C10orf105: variants seen among roughly 807,000 people sequenced by gnomAD.
C10orf105 encodes the protein uncharacterized protein C10orf105.
C10orf105 carries 2 observed loss-of-function variants against 0.6 expected under a neutral mutation model. The observed-to-expected ratio is 3.18, with a 90% confidence interval of 1.30 to 10.01. C10orf105 has a LOEUF of 10.01. Ranked by LOEUF, C10orf105 falls within the 30% of genes most tolerant of loss-of-function variation. The pLI is 0.04. For synonymous variants in C10orf105, 95 were observed against 82.4 expected (o/e 1.15, Z -0.83); for missense variants, 209 against 191.4 (o/e 1.09, Z -0.54).
At chr10:71,729,476 T>C (rs1839280772) in intron 1 of C10orf105, among the ~76,000 whole-genome samples, 1 of 152,022 alleles carries the variant, frequency 6.6e-6, no homozygotes, top group Non-Finnish European at 1.5e-5. Context: ...GAGTCTTTGC[T>C]CTCCACGCCC....
chr10:71,732,140 C>A (rs377222292), intron 1 of C10orf105: 13 of 1,614,024 alleles, frequency 8.1e-6, no homozygotes, highest in Non-Finnish European at 1.1e-5. Flanking sequence ...GACCAGGCCC[C>A]GCCCTTCAAC....
At chr10:71,726,119 G>T (rs555104570) in intron 1 of C10orf105, among the ~76,000 whole-genome samples, 1 of 152,238 alleles carries the variant, frequency 6.6e-6, no homozygotes, top group South Asian at 2.1e-4. Flanking sequence ...GTTCCCACTG[G>T]TTGTGTTATG....
At chr10:71,725,603 C>CCCACACCAGGCGCCAA in intron 1 of C10orf105, 1 of 1,474,192 alleles carries the variant, frequency 6.8e-7, no homozygotes, top group Non-Finnish European at 9.1e-7. Context: ...TTAGTTGGCG[C>CCCACACCAGGCGCCAA]CTGGTGTGGG....
chr10:71,736,277 C>T (rs190941745), intron 1 of C10orf105, among the ~76,000 whole-genome samples: 9 of 152,368 alleles, frequency 5.9e-5, no homozygotes, highest in African/African-American at 1.9e-4. Flanking sequence ...GATCCACCAG[C>T]CCCGGTAGCC....
chr10:71,733,264 G>T (rs1261889546), intron 1 of C10orf105, among the ~76,000 whole-genome samples: 1 of 152,150 alleles, frequency 6.6e-6, no homozygotes, highest in African/African-American at 2.4e-5. Context: ...CAGAGCTTCG[G>T]TGCCCTCCTC....
chr10:71,723,383 A>G (rs1474816566), upstream of C10orf105, among the ~76,000 whole-genome samples: 4 of 152,190 alleles, frequency 2.6e-5, no homozygotes, highest in East Asian at 7.7e-4. Context: ...AGCACTAGGC[A>G]GTGTCTCAGA....
rs1335051390 is a variant in C10orf105, at chr10:71,731,619, G to A, written c.-6+6109C>T. The stretch of plus-strand genomic sequence containing the variant: ...AAGGCTTGGCCATCTGTGAGGATGC[G>A]TTCTAGATCAAAGCCTCCACTACAA... On this transcript the variant is annotated intron_variant, in intron 1 of 1. Transcript: ENST00000398786. Among the ~76,000 whole-genome samples the A allele has an allele frequency of 7.9e-5, 12 of 152,280 alleles. No homozygotes were observed. The East Asian group carries it at 2.1e-3, about 27-fold the overall frequency.
intron 1 of C10orf105, chr10:71,725,633 G>T: frequency 8.0e-7 from 1 of 1,245,726 alleles, no homozygotes; most frequent in South Asian, 1.5e-5. Flanking sequence ...CACTGATTTA[G>T]GTGCTGAATG....
In C10orf105 at chr10:71,714,782, A is replaced by G. The variant is rs1325371812; in HGVS notation, c.*1154T>C. ...CGTGGCTGGCTGCACTGTGGGTCAC[A>G]GCAGGATGGGGGTGGGGCAGCTTTG... On this transcript the variant is annotated 3_prime_UTR_variant, in exon 2 of 2. Transcript: ENST00000441508. 1 of 152,274 alleles carries G rather than the reference A, an allele frequency of 6.6e-6. No individual in the cohort carries two copies. The highest frequency in any genetic ancestry group is 1.5e-5 in the Non-Finnish European group (1 of 68,088). The allele number at this position is 152,274 out of a possible 1,614,324, so 9.4% of individuals were successfully genotyped here. A position where few individuals can be genotyped will look rare whatever the true frequency, so the allele number is the denominator to read the frequency against.
exon 1 of C10orf105, chr10:71,737,770 G>C (rs1007211997): frequency 6.4e-6 from 3 of 469,996 alleles, no homozygotes; most frequent in Admixed American, 2.3e-5. Flanking sequence ...CCGTGGACTG[G>C]AGGCCTCACC....
chr10:71,729,525 T>C (rs933613953), intron 1 of C10orf105, among the ~76,000 whole-genome samples: 5 of 152,152 alleles, frequency 3.3e-5, no homozygotes, highest in Non-Finnish European at 7.4e-5. Context: ...GGGACGGAAG[T>C]TCCCAGGCAT....
chr10:71,731,905 A>G, intron 1 of C10orf105: 1 of 1,455,680 alleles, frequency 6.9e-7, no homozygotes, highest in East Asian at 2.4e-5. Flanking sequence ...CCCAGGGGGT[A>G]TGGGTGTGGC....
In C10orf105 at chr10:71,730,457, C is replaced by T. The variant is rs73275848; in HGVS notation, c.-6+7271G>A. ...CCACCCTGACCTTGCACCCCTGGCC[C>T]GGCTCCCACAGGTGATTGTGTACGT... On this transcript the variant is annotated intron_variant, in intron 1 of 1. Coordinates refer to the C10orf105 transcript ENST00000398786. 14,905 of 1,612,894 alleles carry T rather than the reference C, an allele frequency of 9.2e-3. 1,205 individuals are homozygous for T. In the African/African-American group the frequency reaches 0.17, roughly 19 times the overall value.
intron 1 of C10orf105, chr10:71,732,459 T>A: frequency 6.6e-7 from 1 of 1,523,126 alleles, no homozygotes; most frequent in Non-Finnish European, 8.8e-7. Flanking sequence ...AGCACTCTCC[T>A]CTTTGTCATA....
rs776501112 is a variant in C10orf105, at chr10:71,732,195, C to T, written c.-6+5533G>A. 40 of 1,613,736 alleles carry T rather than the reference C, an allele frequency of 2.5e-5. No homozygotes were observed. The highest frequency in any genetic ancestry group is 1.0e-4 in the Admixed American group (6 of 59,990). On this transcript the variant is annotated intron_variant, in intron 1 of 1. Coordinates refer to the C10orf105 transcript ENST00000398786. ...ACATCACTCTGCTCAACGAGCTGGA[C>T]GAGGCCGTGCAGTTCTCCAATGCCT...
At position 71,737,552 on chromosome 10, in the gene C10orf105, C is replaced by T. The variant is rs191054585; in HGVS notation, c.-6+176G>A. Among the ~76,000 whole-genome samples, 3 of 152,334 alleles carry T rather than the reference C, an allele frequency of 2.0e-5. No homozygotes were observed. In the East Asian group the frequency reaches 5.8e-4, roughly 29 times the overall value. On this transcript the variant is annotated intron_variant, in intron 1 of 1. Coordinates refer to the C10orf105 transcript ENST00000398786. Reference sequence around the variant, plus strand: ...CAGCATGCACAGGCTTAGCCGGCTCCCCATGAGTCCTGTGCAGAGTCAGCA... The same window carrying T: ...CAGCATGCACAGGCTTAGCCGGCTCTCCATGAGTCCTGTGCAGAGTCAGCA...
At chr10:71,727,630 G>C (rs928373239) in intron 1 of C10orf105, among the ~76,000 whole-genome samples, 1 of 152,134 alleles carries the variant, frequency 6.6e-6, no homozygotes, top group African/African-American at 2.4e-5. Context: ...AGTCCCCTTA[G>C]AGACTGGGTG....
In C10orf105 at chr10:71,714,399, C is replaced by G. The variant is rs554790283; in HGVS notation, c.*1537G>C. ...GTGAGGGGCTGGACAATGTCTGGCT[C>G]TCTGCAAGCTCCCAAGCTGGTAGGA... On this transcript the variant is annotated 3_prime_UTR_variant, in exon 2 of 2. Transcript: ENST00000441508. The G allele has an allele frequency of 1.2e-4, 19 of 152,312 alleles. No homozygotes were observed. In the East Asian group the frequency reaches 3.7e-3, roughly 29 times the overall value. 9.4% of individuals were successfully genotyped at this position (152,312 alleles called of 1,614,324 possible). A position where few individuals can be genotyped will look rare whatever the true frequency, so the allele number is the denominator to read the frequency against.
chr10:71,731,636 C>T (rs1315477011), intron 1 of C10orf105, among the ~76,000 whole-genome samples: 3 of 152,174 alleles, frequency 2.0e-5, no homozygotes, highest in Non-Finnish European at 2.9e-5. Context: ...ATCAAAGCCT[C>T]CACTACAAGA....
Sources: allele counts gnomAD v4.1 joint callset (sites outside exome capture counted in the v4.1 genomes callset), GRCh38; gene constraint gnomAD v4.1.1; transcripts MANE v1.5; gene names NCBI Gene and HGNC (gene_info 2026-07-23, HGNC 2026-07-21).